Variants in ARB2A observed in about 807,000 individuals in gnomAD.
The protein encoded by ARB2A is cotranscriptional regulator ARB2A.
At chr5:94,026,634 T>A in the ARB2A span, among the ~76,000 whole-genome samples, 1 of 152,106 alleles carries the variant, frequency 6.6e-6, no homozygotes, top group African/African-American at 2.4e-5. Context: ...AGTAGGTATA[T>A]GTAAAATAGG....
At chr5:93,731,009 T>C in the ARB2A span, among the ~76,000 whole-genome samples, 1 of 152,188 alleles carries the variant, frequency 6.6e-6, no homozygotes, top group Non-Finnish European at 1.5e-5. Context: ...TATTTGACTC[T>C]GTGGCTAATA....
chr5:93,877,159 G>C, the ARB2A span, among the ~76,000 whole-genome samples: 1 of 152,046 alleles, frequency 6.6e-6, no homozygotes, highest in Non-Finnish European at 1.5e-5. Context: ...TCAGAGGCTG[G>C]GTCTAATTCT....
the ARB2A span, among the ~76,000 whole-genome samples, chr5:93,864,213 T>A: frequency 6.6e-6 from 1 of 152,184 alleles, no homozygotes; most frequent in African/African-American, 2.4e-5. Flanking sequence ...AAAACCTTAT[T>A]AAAAGGTTAA....
chr5:93,970,057 C>T, the ARB2A span, among the ~76,000 whole-genome samples: 15,945 of 152,108 alleles, frequency 0.1, 960 homozygotes, highest in Middle Eastern at 0.16. Flanking sequence ...CATTCTTTCT[C>T]CCTCAGAAGA....
chr5:93,846,000 GACACACAC>G, the ARB2A span, among the ~76,000 whole-genome samples: 5,655 of 145,892 alleles, frequency 0.039, 123 homozygotes, highest in South Asian at 0.08. Context: ...CTCTCTCTGT[GACACACAC>G]ACACACACAC....
the ARB2A span, among the ~76,000 whole-genome samples, chr5:93,896,272 C>T: frequency 6.6e-6 from 1 of 151,990 alleles, no homozygotes; most frequent in South Asian, 2.1e-4. Context: ...ATCTGAAATC[C>T]GTAATGCTCC....
At chr5:93,994,901 G>T in the ARB2A span, among the ~76,000 whole-genome samples, 2 of 149,690 alleles carry the variant, frequency 1.3e-5, no homozygotes, top group East Asian at 3.9e-4. Context: ...GCAAGACCCT[G>T]TCTCTAAATA....
the ARB2A span, among the ~76,000 whole-genome samples, chr5:93,765,038 C>T: frequency 2.0e-5 from 3 of 152,226 alleles, no homozygotes; most frequent in Admixed American, 6.5e-5. Flanking sequence ...ATTGATGGGA[C>T]GTATCTTAAA....
At chr5:93,996,689 C>T in the ARB2A span, among the ~76,000 whole-genome samples, 2 of 151,978 alleles carry the variant, frequency 1.3e-5, no homozygotes, top group Non-Finnish European at 2.9e-5. Context: ...GTTCTCATTT[C>T]AATAATATTT....
At chr5:94,011,769 C>A in the ARB2A span, among the ~76,000 whole-genome samples, 1 of 151,074 alleles carries the variant, frequency 6.6e-6, no homozygotes, top group Admixed American at 6.6e-5. Flanking sequence ...GACGTCTAGT[C>A]CAGAGCAGAA....
At chr5:94,103,838 C>T in the ARB2A span, among the ~76,000 whole-genome samples, 8 of 148,554 alleles carry the variant, frequency 5.4e-5, no homozygotes, top group African/African-American at 2.0e-4. Context: ...CATTCTTAAC[C>T]ACAGTACAAG....
At chr5:93,751,383 T>C in the ARB2A span, among the ~76,000 whole-genome samples, 1 of 152,262 alleles carries the variant, frequency 6.6e-6, no homozygotes, top group South Asian at 2.1e-4. Context: ...TGGACAGAAA[T>C]GATAGCACAA....
the ARB2A span, chr5:93,739,497 AAACTC>A: frequency 6.6e-6 from 1 of 152,168 alleles, no homozygotes; most frequent in Non-Finnish European, 1.5e-5. Context: ...AATAAGACAT[AAACTC>A]TGATATAATA....
At chr5:93,841,033 G>C in the ARB2A span, among the ~76,000 whole-genome samples, 1 of 152,096 alleles carries the variant, frequency 6.6e-6, no homozygotes, top group Admixed American at 6.6e-5. Context: ...GGGCTCCACT[G>C]TACTCCTGGG....
chr5:93,912,470 C>T, the ARB2A span, among the ~76,000 whole-genome samples: 1 of 151,634 alleles, frequency 6.6e-6, no homozygotes, highest in African/African-American at 2.4e-5. Flanking sequence ...TCTAAATCTC[C>T]ACTGTATAGC....
chr5:93,813,900 A>G, the ARB2A span, among the ~76,000 whole-genome samples: 1 of 152,190 alleles, frequency 6.6e-6, no homozygotes, highest in Non-Finnish European at 1.5e-5. Context: ...AATCACAGAA[A>G]ACATAACTGA....
chr5:93,886,779 G>A, the ARB2A span, among the ~76,000 whole-genome samples: 78 of 151,750 alleles, frequency 5.1e-4, no homozygotes, highest in African/African-American at 1.7e-3. Context: ...ACTTGACTCC[G>A]TTTTGTGTTT....
chr5:93,621,259 C>T, the ARB2A span: 1 of 826,380 alleles, frequency 1.2e-6, no homozygotes, highest in East Asian at 4.6e-5. Context: ...CCCGCCTGCG[C>T]CCCGCCTCAG....
At chr5:93,620,156 A>C in the ARB2A span, 1 of 152,248 alleles carries the variant, frequency 6.6e-6, no homozygotes, top group Admixed American at 6.5e-5. Context: ...AGTCAATCCC[A>C]GTGATAACAG....
Sources: gnomAD v4.1 joint callset for allele counts (sites outside exome capture counted in the v4.1 genomes callset) on GRCh38, gnomAD v4.1.1 for gene constraint, MANE v1.5 for transcripts, NCBI Gene and HGNC (gene_info 2026-07-23, HGNC 2026-07-21) for gene names.